Variants in AGBL1 observed in about 807,000 individuals in gnomAD.
The protein encoded by AGBL1 is AGBL carboxypeptidase 1.
A neutral mutation model predicts 118.9 loss-of-function variants in AGBL1; 130 were observed. That is an observed-to-expected ratio of 1.09 (90% CI 0.95 to 1.26). The LOEUF (loss-of-function observed/expected upper bound fraction) is 1.26. AGBL1 is among the 50% of genes most tolerant of loss of function. AGBL1 has a pLI of 0.00. For missense variants in AGBL1, 1,584 were observed against 1,298.1 expected, an observed-to-expected ratio of 1.22 and a Z score of -3.38; for synonymous variants, 555 against 478.9, an observed-to-expected ratio of 1.16 and a Z score of -2.08.
At chr15:86,251,190 T>C (rs539210043) in intron 7 of AGBL1, among the ~76,000 whole-genome samples, 1 of 152,324 alleles carries the variant, frequency 6.6e-6, no homozygotes, top group East Asian at 1.9e-4. Context: ...GGCACGTAAC[T>C]GTTAAGTAAT....
chr15:86,645,754 G>T (rs999311850), intron 21 of AGBL1, among the ~76,000 whole-genome samples: 5 of 152,146 alleles, frequency 3.3e-5, no homozygotes, highest in Non-Finnish European at 7.4e-5. Flanking sequence ...TTCACAGAAT[G>T]AGTTAGAAAT....
At chr15:86,403,983 C>T (rs1251058844) in intron 18 of AGBL1, among the ~76,000 whole-genome samples, 1 of 151,954 alleles carries the variant, frequency 6.6e-6, no homozygotes, top group Non-Finnish European at 1.5e-5. Flanking sequence ...ATATTGAAAA[C>T]ACACACACAC....
At chr15:86,375,065 C>G (rs545361681) in intron 17 of AGBL1, among the ~76,000 whole-genome samples, 1 of 152,288 alleles carries the variant, frequency 6.6e-6, no homozygotes, top group African/African-American at 2.4e-5. Flanking sequence ...TACTCAGCCA[C>G]TTGGGTTCAA....
intron 22 of AGBL1, among the ~76,000 whole-genome samples, chr15:86,781,194 C>T (rs568853035): frequency 7.3e-4 from 111 of 151,872 alleles, no homozygotes; most frequent in Non-Finnish European, 1.3e-3. Flanking sequence ...CATGTTTAGC[C>T]CATGTATGTT....
At chr15:86,728,681 T>A (rs1458516875) in intron 22 of AGBL1, among the ~76,000 whole-genome samples, 1 of 152,252 alleles carries the variant, frequency 6.6e-6, no homozygotes, top group African/African-American at 2.4e-5. Context: ...TTATTTGTCT[T>A]GACTACTGAG....
intron 18 of AGBL1, among the ~76,000 whole-genome samples, chr15:86,516,446 C>G (rs188499973): frequency 6.6e-6 from 1 of 152,106 alleles, no homozygotes; most frequent in Non-Finnish European, 1.5e-5. Context: ...GACTGTTTCA[C>G]AGGGAGTAAT....
At chr15:86,294,116 G>A (rs1041193718) in intron 16 of AGBL1, among the ~76,000 whole-genome samples, 9 of 152,002 alleles carry the variant, frequency 5.9e-5, no homozygotes, top group Non-Finnish European at 1.2e-4. Flanking sequence ...GTTAACCAGG[G>A]GCGGGATGTG....
chr15:86,146,824 G>A (rs1453755454), intron 3 of AGBL1, among the ~76,000 whole-genome samples: 1 of 152,166 alleles, frequency 6.6e-6, no homozygotes, highest in African/African-American at 2.4e-5. Flanking sequence ...AATGGGTTAT[G>A]TAGGTTTAGT....
intron 1 of AGBL1, among the ~76,000 whole-genome samples, chr15:86,132,660 G>T (rs1040247013): frequency 6.6e-6 from 1 of 152,262 alleles, no homozygotes; most frequent in East Asian, 1.9e-4. Context: ...GAACCTTTTA[G>T]GCATGTGAGG....
At chr15:86,482,725 G>T (rs1482433583) in intron 18 of AGBL1, among the ~76,000 whole-genome samples, 1 of 152,032 alleles carries the variant, frequency 6.6e-6, no homozygotes, top group African/African-American at 2.4e-5. Flanking sequence ...TTGTAGTCAT[G>T]TTCTTGCCAC....
intron 22 of AGBL1, among the ~76,000 whole-genome samples, chr15:86,786,645 ATCTC>A (rs1472053347): frequency 1.3e-5 from 2 of 152,154 alleles, no homozygotes; most frequent in African/African-American, 4.8e-5. Context: ...TTTAAGGACC[ATCTC>A]TCTATCATTT....
intron 7 of AGBL1, among the ~76,000 whole-genome samples, chr15:86,252,623 C>T (rs994726813): frequency 2.6e-5 from 4 of 152,096 alleles, no homozygotes; most frequent in Non-Finnish European, 5.9e-5. Context: ...GTCTTGCTGA[C>T]CAGAGAAGCC....
chr15:86,697,980 A>C (rs11631489), intron 22 of AGBL1, among the ~76,000 whole-genome samples: 1 of 151,600 alleles, frequency 6.6e-6, no homozygotes, highest in African/African-American at 2.4e-5. Context: ...CAAAGAGTCT[A>C]TGAATTTTCT....
intron 17 of AGBL1, among the ~76,000 whole-genome samples, chr15:86,365,915 ACT>A (rs71144044): frequency 0.33 from 49,725 of 151,782 alleles, 10,502 homozygotes; most frequent in Non-Finnish European, 0.47. Flanking sequence ...ATAATGGAAG[ACT>A]CTGATTGTAG....
intron 18 of AGBL1, among the ~76,000 whole-genome samples, chr15:86,489,650 C>A (rs1258211826): frequency 6.6e-6 from 1 of 152,080 alleles, no homozygotes; most frequent in East Asian, 1.9e-4. Context: ...TTTGTCAGAA[C>A]ACAGCCATAC....
At chr15:86,694,073 T>G (rs1301490478) in intron 22 of AGBL1, among the ~76,000 whole-genome samples, 1 of 152,166 alleles carries the variant, frequency 6.6e-6, no homozygotes, top group African/African-American at 2.4e-5. Flanking sequence ...GCTTTGGCTA[T>G]GCAGGCTCTT....
chr15:86,532,362 T>C (rs1344879173), intron 19 of AGBL1, among the ~76,000 whole-genome samples: 3 of 150,426 alleles, frequency 2.0e-5, no homozygotes, highest in African/African-American at 7.4e-5. Flanking sequence ...CATTCACAAT[T>C]GCTTCAAAGA....
intron 17 of AGBL1, among the ~76,000 whole-genome samples, chr15:86,338,119 G>T (rs1024904281): frequency 2.6e-5 from 4 of 152,154 alleles, no homozygotes; most frequent in Admixed American, 2.0e-4. Flanking sequence ...GGAGGATAAG[G>T]GGACATGGGG....
chr15:86,316,378 C>T (rs2080010168), intron 17 of AGBL1, among the ~76,000 whole-genome samples: 1 of 152,166 alleles, frequency 6.6e-6, no homozygotes, highest in African/African-American at 2.4e-5. Flanking sequence ...ACGGCTTATA[C>T]TAAAGAACCA....
Sources: gnomAD v4.1 joint callset for allele counts (sites outside exome capture counted in the v4.1 genomes callset) on GRCh38, gnomAD v4.1.1 for gene constraint, MANE v1.5 for transcripts, NCBI Gene and HGNC (gene_info 2026-07-23, HGNC 2026-07-21) for gene names.